Variants in FANCA observed in about 807,000 individuals in gnomAD.
FANCA encodes the protein Fanconi anemia group A protein.
In FANCA, 236 loss-of-function variants were observed where a neutral mutation model predicts 194.3. That is an observed-to-expected ratio of 1.21 (90% CI 1.09 to 1.35). The LOEUF (loss-of-function observed/expected upper bound fraction) is 1.35, where lower values mean the gene tolerates loss of function less well. Ranked by LOEUF, FANCA falls within the 40% of genes most tolerant of loss-of-function variation. The pLI is 0.00. For missense variants in FANCA, 2,628 were observed against 1,813.9 expected (o/e 1.45, Z -8.15); for synonymous variants, 1,014 against 715.8 (o/e 1.42, Z -6.65).
chr16:89,748,182 G>A (rs1048566415), intron 33 of FANCA, among the ~76,000 whole-genome samples: 32 of 152,172 alleles, frequency 2.1e-4, no homozygotes, highest in Middle Eastern at 3.2e-3. Flanking sequence ...CTGGGATTAC[G>A]GGCGTGAGCC....
intron 32 of FANCA, among the ~76,000 whole-genome samples, chr16:89,749,260 T>G (rs1252257978): frequency 6.6e-6 from 1 of 152,244 alleles, no homozygotes; most frequent in Non-Finnish European, 1.5e-5. Context: ...TTGCCCAGGC[T>G]GGTGTGCAAT....
intron 6 of FANCA, among the ~76,000 whole-genome samples, chr16:89,807,498 C>A (rs1598182300): frequency 6.6e-6 from 1 of 151,674 alleles, no homozygotes. Flanking sequence ...GCCTGTAATC[C>A]CAGCACTTTG....
In FANCA at chr16:89,748,756, CGGA is replaced by C; in HGVS notation, c.3248_3250del (p.Leu1083del). On this transcript the variant is annotated inframe_deletion, in exon 33 of 43. Coordinates refer to ENST00000389301, the MANE Select transcript of FANCA (RefSeq NM_000135.4). ...GCCGCAGAGGACAGACGAAGGCAGG[CGGA>C]GGAGGATCCTGGAAAGAAGGGGCTG... 1 of 1,613,774 alleles carries C rather than the reference CGGA, an allele frequency of 6.2e-7. No individual in the cohort carries two copies. The highest frequency in any genetic ancestry group is 8.5e-7 in the Non-Finnish European group (1 of 1,179,902).
intron 22 of FANCA, 121 bp from the exon 23 acceptor site, chr16:89,771,935 C>T (rs1400208413): frequency 8.5e-7 from 1 of 1,175,114 alleles, no homozygotes; most frequent in African/African-American, 1.5e-5. Context: ...CTGCACACAT[C>T]CCCCAGCCAG....
chr16:89,744,736 A>G (rs1242338668), intron 36 of FANCA: 2 of 588,482 alleles, frequency 3.4e-6, no homozygotes, highest in Non-Finnish European at 6.2e-6. Flanking sequence ...GGCTCACTGG[A>G]AACTCCACCT....
intron 8 of FANCA, among the ~76,000 whole-genome samples, chr16:89,802,953 G>A (rs1222002513): frequency 6.6e-6 from 1 of 152,142 alleles, no homozygotes; most frequent in Non-Finnish European, 1.5e-5. Context: ...CAGCTAGACA[G>A]AAGAAGTAAG....
chr16:89,748,772 A>C lies in FANCA; in HGVS notation c.3240-5T>G. The C allele has an allele frequency of 6.2e-7, 1 of 1,612,978 alleles. No homozygotes were observed. The highest frequency in any genetic ancestry group is 1.3e-5 in the African/African-American group (1 of 75,024). ...GAAGGCAGGCGGAGGAGGATCCTGG[A>C]AAGAAGGGGCTGTATTGGTGGCGAC... On this transcript the variant is annotated splice_polypyrimidine_tract_variant and splice_region_variant and intron_variant, in intron 32 of 42. Transcript: ENST00000389301.
At chr16:89,772,682 G>A (rs1241425722) in intron 22 of FANCA, among the ~76,000 whole-genome samples, 1 of 151,754 alleles carries the variant, frequency 6.6e-6, no homozygotes, top group Non-Finnish European at 1.5e-5. Context: ...AGCCAGACAT[G>A]GAGGCAGTCA....
chr16:89,789,414 G>A (rs886772292), intron 14 of FANCA, among the ~76,000 whole-genome samples: 1 of 150,886 alleles, frequency 6.6e-6, no homozygotes, highest in African/African-American at 2.4e-5. Context: ...CACCGAGGTG[G>A]TGATGGCAGG....
chr16:89,773,412 G>C (rs1451748371), intron 21 of FANCA, 28 bp from the exon 22 acceptor site: 7 of 1,470,388 alleles, frequency 4.8e-6, no homozygotes, highest in East Asian at 4.9e-5. Context: ...AAACCAGATG[G>C]AAAGACACTC....
At chr16:89,802,609 T>C (rs917481737) in intron 8 of FANCA, among the ~76,000 whole-genome samples, 3 of 151,792 alleles carry the variant, frequency 2.0e-5, no homozygotes, top group Admixed American at 6.6e-5. Context: ...TTTACCATGT[T>C]AGCCAGGATG....
At chr16:89,775,176 C>T (rs1016778193) in intron 21 of FANCA, among the ~76,000 whole-genome samples, 4 of 152,080 alleles carry the variant, frequency 2.6e-5, no homozygotes, top group Non-Finnish European at 5.9e-5. Flanking sequence ...CTGGCTTCTA[C>T]TGGAGATAAA....
At chr16:89,792,282 G>T (rs1053102260) in intron 12 of FANCA, among the ~76,000 whole-genome samples, 189 bp downstream of exon 12, 1 of 152,150 alleles carries the variant, frequency 6.6e-6, no homozygotes, top group African/African-American at 2.4e-5. Context: ...CAAGGAGGAG[G>T]GGCTCGGCCC....
rs1386463570 is a variant in FANCA, at chr16:89,759,349, A to AAAAG, written c.2853-645_2853-644insCTTT. Among the ~76,000 whole-genome samples, 516 of 139,442 alleles carry AAAAG rather than the reference A, an allele frequency of 3.7e-3. 7 individuals carry two copies. The highest frequency in any genetic ancestry group is 6.0e-3 in the Non-Finnish European group (382 of 64,020). The allele number at this position is 139,442 out of a possible 152,430, so 91.5% of individuals were successfully genotyped here. ...AAAAAAAAAAAAAAAAAAAAAAAAA[A>AAAAG]GTAGCCTGGAAAGTCACCTGAGGGC... On this transcript the variant is annotated intron_variant, in intron 29 of 42. Coordinates refer to ENST00000389301, the MANE Select transcript of FANCA (RefSeq NM_000135.4).
intron 3 of FANCA, among the ~76,000 whole-genome samples, chr16:89,813,370 G>C (rs2040977782): frequency 6.6e-6 from 1 of 150,934 alleles, no homozygotes; most frequent in African/African-American, 2.4e-5. Context: ...ATTGCACCAC[G>C]GCTCTCCAGT....
intron 8 of FANCA, 32 bp downstream of exon 8, chr16:89,803,227 C>A: frequency 6.3e-7 from 1 of 1,598,600 alleles, no homozygotes; most frequent in Non-Finnish European, 8.6e-7. Flanking sequence ...CGGCTCCTTC[C>A]GCTAAACTCT....
rs2040524341 is a variant in FANCA, at chr16:89,803,358, C to A, written c.710-17G>T. 3.1e-6 allele frequency: 5 copies of A among 1,608,564 alleles called. No homozygotes were observed. The East Asian group carries it at 1.1e-4, about 36-fold the overall frequency. Reference sequence around the variant, plus strand: ...GAACAAAATCTGAAAAACCATAAAACCAAAGTTATTTATGGACATCATGGT... The same window carrying A: ...GAACAAAATCTGAAAAACCATAAAAACAAAGTTATTTATGGACATCATGGT... On this transcript the variant is annotated splice_polypyrimidine_tract_variant and intron_variant, in intron 7 of 42. Transcript: ENST00000389301.
chr16:89,775,179 G>C (rs964721877), intron 21 of FANCA, among the ~76,000 whole-genome samples: 2 of 152,022 alleles, frequency 1.3e-5, no homozygotes, highest in Non-Finnish European at 2.9e-5. Flanking sequence ...GCTTCTACTG[G>C]AGATAAAGCC....
At position 89,738,705 on chromosome 16, in the gene FANCA, G is replaced by C; in HGVS notation, c.4264C>G (p.Leu1422Val). Residue 1422 changes from leucine to valine, a missense_variant, in exon 43 of 43, where the codon CTG (leucine) becomes GTG (valine). Physicochemically the swap from Leu to Val is conservative, Grantham distance 32 (BLOSUM62 1). Transcript: ENST00000389301. Reference sequence around the variant, plus strand: ...GGGTCGCAGTCCCCACGATCAGCCAGCAGCTGTGAGAGAGGAGCAGGTCCT... The same window carrying C: ...GGGTCGCAGTCCCCACGATCAGCCACCAGCTGTGAGAGAGGAGCAGGTCCT... ...KKSFSHVAEL[L>V]ADRGDCDPEV... The C allele has an allele frequency of 6.2e-7, 1 of 1,613,878 alleles. No individual in the cohort carries two copies. The highest frequency in any genetic ancestry group is 2.2e-5 in the East Asian group (1 of 44,870).
Sources: gnomAD v4.1 joint callset for allele counts (sites outside exome capture counted in the v4.1 genomes callset) on GRCh38, gnomAD v4.1.1 for gene constraint, MANE v1.5 for transcripts, NCBI Gene and HGNC (gene_info 2026-07-23, HGNC 2026-07-21) for gene names.